BEST1: variants seen among roughly 807,000 people sequenced by gnomAD.
BEST1 encodes bestrophin-1.
BEST1 carries 58 observed loss-of-function variants against 63.3 expected under a neutral mutation model. The observed-to-expected ratio is 0.92, with a 90% CI of 0.74 to 1.14. The LOEUF (loss-of-function observed/expected upper bound fraction) is 1.14. Among genes scored for constraint, BEST1 ranks in the 50% most tolerant of loss-of-function variants. BEST1 has a pLI of 0.00. For synonymous variants in BEST1, 283 were observed against 291.6 expected (o/e 0.97, Z 0.30); for missense variants, 671 against 740.1 (o/e 0.91, Z 1.08).
At position 61,963,193 on chromosome 11, in the gene BEST1, G is replaced by GA. The variant is rs566752731; in HGVS notation, c.1739+301dup. On this transcript the variant is annotated intron_variant, in intron 10 of 10. Coordinates refer to ENST00000378043, the MANE Select transcript of BEST1 (RefSeq NM_004183.4). ...GCTGCTGGAGAACTGCCCCAGGGCTGACAGGCCAGGCTTAGCTGAGCAGAT... is the reference window on the plus strand; with the variant it reads ...GCTGCTGGAGAACTGCCCCAGGGCTGAACAGGCCAGGCTTAGCTGAGCAGAT... 133 of 1,431,318 alleles carry GA rather than the reference G, an allele frequency of 9.3e-5. 3 individuals are homozygous for GA. The South Asian group carries it at 2.0e-3, about 22-fold the overall frequency. The allele number at this position is 1,431,318 out of a possible 1,614,324, so 88.7% of individuals were successfully genotyped here.
chr11:61,955,412 G>GA (rs1428869722), intron 3 of BEST1: 7 of 1,433,678 alleles, frequency 4.9e-6, no homozygotes, highest in Non-Finnish European at 6.4e-6. Flanking sequence ...CGTTAGCAAT[G>GA]AAAACCCCAT....
At chr11:61,960,116 C>T in intron 9 of BEST1, 73 bp downstream of exon 9, 1 of 1,555,420 alleles carries the variant, frequency 6.4e-7, no homozygotes, top group Non-Finnish European at 8.7e-7. Flanking sequence ...CTTAGAATAG[C>T]ACTAGTTAAT....
In BEST1 at chr11:61,962,823, G is replaced by C. The variant is rs147192139; in HGVS notation, c.1669G>C (p.Glu557Gln). Residue 557 changes from glutamate (E) to glutamine (Q), a missense_variant, in exon 10 of 11, where the codon GAA becomes CAA. Coordinates refer to ENST00000378043, the MANE Select transcript of BEST1 (RefSeq NM_004183.4). Reference protein sequence around the residue: ...IPENHLKEPLEQSPTNIHTTL... With the variant: ...IPENHLKEPLQQSPTNIHTTL... The stretch of plus-strand genomic sequence containing the variant: ...CGAAAATCACCTCAAAGAACCTTTG[G>C]AACAATCACCAACCAACATACACAC... 4 of 1,614,126 alleles carry C rather than the reference G, an allele frequency of 2.5e-6. No individual in the cohort carries two copies. Among genetic ancestry groups the C allele is most frequent in the Non-Finnish European group, 3.4e-6 (4 of 1,180,024 alleles).
chr11:61,965,073 T>C, downstream of BEST1: 1 of 1,609,252 alleles, frequency 6.2e-7, no homozygotes, highest in South Asian at 1.1e-5. Flanking sequence ...GCACACTCCA[T>C]TGCATTCAGC....
chr11:61,964,688 G>A (rs775515361), downstream of BEST1: 12 of 1,591,716 alleles, frequency 7.5e-6, no homozygotes, highest in South Asian at 1.2e-4. Flanking sequence ...TGGTGACCAG[G>A]GAAGTCACCC....
At position 61,955,087 on chromosome 11, in the gene BEST1, A is replaced by ACCCCCCCCC; in HGVS notation, c.153-15_153-14insCCCCCCCCC. The stretch of plus-strand genomic sequence containing the variant: ...CTCCTCGCTGCGTCCACACAATTCC[A>ACCCCCCCCC]CCCCCACCCCCACCCCCAGGCTGGC... On this transcript the variant is annotated intron_variant, in intron 2 of 10. Coordinates refer to ENST00000378043, the MANE Select transcript of BEST1 (RefSeq NM_004183.4). 2.9e-6 allele frequency: 3 copies of ACCCCCCCCC among 1,042,154 alleles called. No individual in the cohort carries two copies. The highest frequency in any genetic ancestry group is 1.7e-5 in the Admixed American group (1 of 58,282). 64.6% of individuals were successfully genotyped at this position (1,042,154 alleles called of 1,614,324 possible).
intron 3 of BEST1, 61 bp from the exon 4 acceptor site, chr11:61,955,657 G>A (rs1370311364): frequency 2.0e-6 from 3 of 1,499,486 alleles, no homozygotes; most frequent in Admixed American, 3.9e-5. Flanking sequence ...CCGGGCGCTG[G>A]GCCCTGGGCT....
At chr11:61,957,133 T>C in intron 5 of BEST1, 135 bp downstream of exon 5, 1 of 1,362,054 alleles carries the variant, frequency 7.3e-7, no homozygotes, top group Non-Finnish European at 1.0e-6. Context: ...GCAGAATCTT[T>C]TCCAACAGCA....
chr11:61,962,475 G>C lies in BEST1; in HGVS notation c.1321G>C (p.Asp441His). The C allele has an allele frequency of 6.2e-7, 1 of 1,614,200 alleles. No individual in the cohort carries two copies. The highest frequency in any genetic ancestry group is 8.5e-7 in the Non-Finnish European group (1 of 1,180,038). The change falls in exon 10 of 11, where the codon GAC (aspartate) becomes CAC (histidine). Residue 441 changes from aspartate to histidine, a missense_variant. Transcript: ENST00000378043. ...CAAACAGAACGTTAGGGGCCAGGAAGACAACAAGGCCTGGAAGCTTAAGGC... is the reference window on the plus strand; with the variant it reads ...CAAACAGAACGTTAGGGGCCAGGAACACAACAAGGCCTGGAAGCTTAAGGC... Reference protein sequence around the residue: ...AAKQNVRGQEDNKAWKLKAVD... With the variant: ...AAKQNVRGQEHNKAWKLKAVD...
intron 1 of BEST1, among the ~76,000 whole-genome samples, chr11:61,951,453 C>T (rs1429420240): frequency 6.6e-6 from 1 of 152,200 alleles, no homozygotes; most frequent in African/African-American, 2.4e-5. Context: ...AGGTGATCCA[C>T]CTGCCTCGAC....
At chr11:61,951,352 C>T (rs1416013949) in intron 1 of BEST1, among the ~76,000 whole-genome samples, 1 of 152,120 alleles carries the variant, frequency 6.6e-6, no homozygotes, top group Non-Finnish European at 1.5e-5. Context: ...GGATTACAGG[C>T]ACCCGCACCA....
chr11:61,952,598 C>T (rs574760305), intron 2 of BEST1, among the ~76,000 whole-genome samples: 5 of 150,200 alleles, frequency 3.3e-5, no homozygotes, highest in African/African-American at 1.2e-4. Flanking sequence ...TCCTGAGTAG[C>T]TGGAATTATA....
intron 7 of BEST1, 152 bp downstream of exon 7, chr11:61,958,450 C>T: frequency 6.5e-7 from 1 of 1,537,358 alleles, no homozygotes; most frequent in Non-Finnish European, 8.7e-7. Context: ...ATCCCAGCTA[C>T]TCGGGAGGCT....
intron 1 of BEST1, among the ~76,000 whole-genome samples, 188 bp downstream of exon 1, chr11:61,950,615 C>T (rs1191149067): frequency 1.3e-5 from 2 of 152,198 alleles, no homozygotes; most frequent in Non-Finnish European, 2.9e-5. Flanking sequence ...CACAGCCAGC[C>T]AGTGTGGCTG....
chr11:61,954,996 G>A, intron 2 of BEST1, 111 bp from the exon 3 acceptor site: 2 of 1,542,806 alleles, frequency 1.3e-6, no homozygotes, highest in Admixed American at 3.9e-5. Context: ...GGAAAATGTG[G>A]GATAGCATCG....
At chr11:61,953,625 G>A (rs545949260) in intron 2 of BEST1, among the ~76,000 whole-genome samples, 7 of 152,254 alleles carry the variant, frequency 4.6e-5, no homozygotes, top group South Asian at 4.2e-4. Flanking sequence ...CCGGAGAATC[G>A]CTTGAGCCCG....
intron 9 of BEST1, chr11:61,960,638 A>C (rs1414136558): frequency 6.4e-6 from 1 of 157,048 alleles, no homozygotes; most frequent in Non-Finnish European, 1.4e-5. Flanking sequence ...AAAATGCTGG[A>C]ATTATAGGTG....
intron 2 of BEST1, among the ~76,000 whole-genome samples, chr11:61,952,631 T>C (rs1463479782): frequency 1.9e-5 from 2 of 104,654 alleles, no homozygotes; most frequent in Non-Finnish European, 3.4e-5. Flanking sequence ...CACGCCTGGC[T>C]AATTTTTTTT....
At chr11:61,963,784 A>C in intron 10 of BEST1, 1 of 1,228,704 alleles carries the variant, frequency 8.1e-7, no homozygotes, top group Non-Finnish European at 1.0e-6. Context: ...CAAGTGGATC[A>C]CAGGAGGTCA....
Sources: gnomAD v4.1 joint callset for allele counts (sites outside exome capture counted in the v4.1 genomes callset) on GRCh38, gnomAD v4.1.1 for gene constraint, MANE v1.5 for transcripts, NCBI Gene and HGNC (gene_info 2026-07-23, HGNC 2026-07-21) for gene names.